The following DDX18 variants were observed in gnomAD, a reference collection of about 807,000 sequenced individuals.
DDX18 encodes the protein ATP-dependent RNA helicase DDX18.
DDX18 carries 23 observed loss-of-function variants against 73.5 expected under a neutral mutation model. The observed-to-expected ratio is 0.31, with a 90% confidence interval of 0.23 to 0.44. DDX18 has a LOEUF of 0.44. DDX18 is among the 20% of genes least tolerant of loss of function. The pLI, the probability that DDX18 is intolerant of heterozygous loss-of-function variation, is 1.00. For synonymous variants in DDX18, 268 were observed against 282.7 expected (o/e 0.95, Z 0.52); for missense variants, 753 against 792.9 (o/e 0.95, Z 0.60).
chr2:117,815,296 G>A lies in DDX18; in HGVS notation c.85+434G>A, dbSNP rs79054203. On this transcript the variant is annotated intron_variant, in intron 1 of 13. Transcript: ENST00000263239. ...CCCGTATTTCTTTCCCCAAAAGCCC[G>A]TCTGGCTGTTTCCACAGAGCTTCTT... Among the ~76,000 whole-genome samples the A allele has an allele frequency of 3.6e-3, 555 of 152,172 alleles. 4 individuals are homozygous for A. Among genetic ancestry groups the A allele is most frequent in the African/African-American group, 0.012 (500 of 41,524 alleles).
intron 12 of DDX18, 81 bp from the exon 13 acceptor site, chr2:117,829,208 C>A: frequency 6.9e-7 from 1 of 1,445,030 alleles, no homozygotes; most frequent in Non-Finnish European, 9.4e-7. Context: ...AGTGGCTTTG[C>A]TCTAGGATAT....
At position 117,830,651 on chromosome 2, in the gene DDX18, A is replaced by G. The variant is rs10179772; in HGVS notation, c.1940A>G (p.Lys647Arg). 1.6e-3 allele frequency: 2,543 copies of G among 1,613,924 alleles called. 42 individuals are homozygous for G. The African/African-American group carries it at 0.03, about 19-fold the overall frequency. Residue 647 changes from lysine (K) to arginine (R), a missense_variant, in exon 14 of 14, where the codon AAG becomes AGG. Coordinates refer to ENST00000263239, the MANE Select transcript of DDX18 (RefSeq NM_006773.4). ...GGGGFGYQKT[K>R]KVEKSKIFKH... Reference sequence around the variant, plus strand: ...GGTGGATTTGGCTACCAGAAAACCAAGAAAGTTGAGAAATCCAAAATCTTT... The same window carrying G: ...GGTGGATTTGGCTACCAGAAAACCAGGAAAGTTGAGAAATCCAAAATCTTT...
chr2:117,829,326 A>G lies in DDX18; in HGVS notation c.1730A>G (p.Lys577Arg). 6.2e-7 allele frequency: 1 copy of G among 1,607,422 alleles called. No homozygotes were observed. Among genetic ancestry groups the G allele is most frequent in the Admixed American group, 1.7e-5 (1 of 58,554 alleles). ...KLIEKNYFLH[K>R]SAQEAYKSYI... ...ATTGAAAAGAATTACTTTCTTCATA[A>G]GTCAGCCCAGGAAGCATATAAGTCA... is the stretch of plus-strand genomic sequence containing the variant. The change falls in exon 13 of 14, where the codon AAG becomes AGG. Residue 577 changes from lysine (K) to arginine (R), a missense_variant. This residue lies in a region of DDX18 where 402 missense variants were observed against 419.4 expected (regional missense o/e 0.96). Transcript: ENST00000263239.
rs1261235358 is a variant in DDX18, at chr2:117,827,581, T to C, written c.1635+1199T>C. On this transcript the variant is annotated intron_variant, in intron 11 of 13. Coordinates refer to ENST00000263239, the MANE Select transcript of DDX18 (RefSeq NM_006773.4). ...CATTTCCCACCTGTGAGTGAGAACA[T>C]GCGGTGTTTGGTTTTCTGTCCTTGC... 2.0e-5 allele frequency: 3 copies of C among 146,794 alleles called. No homozygotes were observed. In the Admixed American group the frequency reaches 2.1e-4, roughly 10 times the overall value. 9.1% of individuals were successfully genotyped at this position (146,794 alleles called of 1,614,324 possible).
chr2:117,826,546 A>G lies in DDX18; in HGVS notation c.1635+164A>G. On this transcript the variant is annotated intron_variant, in intron 11 of 13. Transcript: ENST00000263239. ...TTATGTACTTCTAGCCCAAGAAGTG[A>G]GCACAGAAGGAACTGCCCACATGGC... 7 of 661,712 alleles carry G rather than the reference A, an allele frequency of 1.1e-5. No individual in the cohort carries two copies. In the South Asian group the frequency reaches 1.3e-4, roughly 13 times the overall value. 41.0% of individuals were successfully genotyped at this position (661,712 alleles called of 1,614,324 possible).
At chr2:117,815,836 T>C (rs1244253256) in intron 1 of DDX18, 1 of 152,198 alleles carries the variant, frequency 6.6e-6, no homozygotes, top group East Asian at 1.9e-4. Context: ...GGAGGGGGGA[T>C]ACATTGTGAG....
At chr2:117,823,576 G>A (rs2104623461) in intron 7 of DDX18, among the ~76,000 whole-genome samples, 1 of 152,200 alleles carries the variant, frequency 6.6e-6, no homozygotes, top group Admixed American at 6.5e-5. Flanking sequence ...GATGACTGTA[G>A]CCTTTTGGAT....
At chr2:117,828,748 A>G in intron 11 of DDX18, 2 of 558,546 alleles carry the variant, frequency 3.6e-6, no homozygotes, top group Non-Finnish European at 3.2e-6. Context: ...CTTGCCTTTC[A>G]GAAAGAAAGA....
intron 11 of DDX18, chr2:117,826,776 G>T: frequency 5.3e-6 from 1 of 189,342 alleles, no homozygotes; most frequent in Non-Finnish European, 1.1e-5. Context: ...CTCCTCCCCT[G>T]CCCTCTGTCT....
intron 10 of DDX18, chr2:117,825,824 G>A (rs1679917196): frequency 4.1e-6 from 2 of 489,316 alleles, no homozygotes; most frequent in Admixed American, 3.5e-5. Context: ...TTATGAAAAT[G>A]AGATCCTTGG....
At chr2:117,824,099 A>C (rs1056477326) in intron 7 of DDX18, among the ~76,000 whole-genome samples, 2 of 152,226 alleles carry the variant, frequency 1.3e-5, no homozygotes, top group African/African-American at 2.4e-5. Flanking sequence ...GTATTGGTCC[A>C]TAGTTTTCTT....
At chr2:117,820,007 A>C (rs1391626325) in intron 3 of DDX18, among the ~76,000 whole-genome samples, 2 of 151,848 alleles carry the variant, frequency 1.3e-5, no homozygotes, top group Non-Finnish European at 2.9e-5. Flanking sequence ...CCTTTTGTTC[A>C]TTCCTGACAC....
intron 11 of DDX18, 188 bp downstream of exon 11, chr2:117,826,570 G>T (rs1394317619): frequency 2.5e-5 from 15 of 598,198 alleles, no homozygotes; most frequent in Non-Finnish European, 4.4e-5. Flanking sequence ...TGCCCACATG[G>T]CTCGGCTTTC....
At chr2:117,827,894 A>C (rs1679960480) in intron 11 of DDX18, 1 of 152,228 alleles carries the variant, frequency 6.6e-6, no homozygotes, top group South Asian at 2.1e-4. Flanking sequence ...TCCTTGAGGA[A>C]TCGTCACACT....
Position 117,821,268 on chromosome 2 carries a change from A to G in DDX18, c.622A>G (p.Lys208Glu), listed in dbSNP as rs753545230. The G allele has an allele frequency of 1.9e-6, 3 of 1,610,554 alleles. No homozygotes were observed. The highest frequency in any genetic ancestry group is 3.4e-5 in the Admixed American group (2 of 59,238). Residue 208 changes from lysine (K) to glutamate (E), a missense_variant, in exon 4 of 14, where the codon AAA becomes GAA. Lys to Glu is a moderately conservative substitution (Grantham distance 56). Around this residue, in one of 3 missense-constraint regions of DDX18, gnomAD observed 345 missense variants for 352.0 expected, o/e 0.98. Transcript: ENST00000263239. ...GFTNMTEIQH[K>E]SIRPLLEGRD... ...TACAAACATGACTGAAATTCAGCAT[A>G]AAAGTATCAGACCACTTCTGGAAGG... is the stretch of plus-strand genomic sequence containing the variant.
At position 117,828,888 on chromosome 2, in the gene DDX18, G is replaced by A. The variant is rs1015363095; in HGVS notation, c.1636-61G>A. 9.3e-6 allele frequency: 11 copies of A among 1,187,640 alleles called. 1 individual carries two copies. In the Admixed American group the frequency reaches 1.6e-4, roughly 18 times the overall value. 73.6% of individuals were successfully genotyped at this position (1,187,640 alleles called of 1,614,324 possible). ...GCCGGTTCATCCTTCCCTGTCTTCA[G>A]TACCCAGTATCGGAATGCTGATCAT... On this transcript the variant is annotated intron_variant, in intron 11 of 13. Transcript: ENST00000263239.
At chr2:117,822,378 T>C (rs1206062611) in intron 7 of DDX18, 117 bp downstream of exon 7, 2 of 721,468 alleles carry the variant, frequency 2.8e-6, no homozygotes, top group Non-Finnish European at 4.7e-6. Flanking sequence ...GTGAGGTAGT[T>C]GTGCCAATTA....
chr2:117,819,696 A>G lies in DDX18; in HGVS notation c.418A>G (p.Ser140Gly). The change falls in exon 3 of 14, where the codon AGT becomes GGT. Residue 140 changes from serine (S) to glycine (G), a missense_variant. Physicochemically the swap from Ser to Gly is moderately conservative, Grantham distance 56 (BLOSUM62 0). Transcript: ENST00000263239. ...TENKGKSEEE[S>G]AETTKETENN... ...AAACAAAGGGAAATCTGAAGAAGAA[A>G]GTGCCGAGACTACTAAAGAAACAGA... The G allele has an allele frequency of 1.2e-6, 2 of 1,600,650 alleles. No homozygotes were observed.
At chr2:117,825,222 A>G in intron 9 of DDX18, 121 bp downstream of exon 9, 1 of 1,342,662 alleles carries the variant, frequency 7.4e-7, no homozygotes, top group Non-Finnish European at 1.0e-6. Flanking sequence ...TCACCACTAG[A>G]TGATGGATCC....
Sources: allele counts gnomAD v4.1 joint callset (sites outside exome capture counted in the v4.1 genomes callset), GRCh38; gene constraint gnomAD v4.1.1; regional missense constraint gnomAD v4.1.1; transcripts MANE v1.5; gene names NCBI Gene and HGNC (gene_info 2026-07-23, HGNC 2026-07-21).